Variants in CAMK1 observed in about 807,000 individuals in gnomAD.
The protein encoded by CAMK1 is calcium/calmodulin dependent protein kinase I.
In CAMK1, 39 loss-of-function variants were observed where a neutral mutation model predicts 49.1. That is an observed-to-expected ratio of 0.79 (90% CI 0.62 to 1.04). The LOEUF (loss-of-function observed/expected upper bound fraction) is 1.04. Among genes scored for constraint, CAMK1 ranks in the 50% least tolerant of loss-of-function variants. The probability of loss-of-function intolerance (pLI) is 0.00; values close to 1 mark genes in which losing one functional copy is unlikely to be tolerated. For missense variants in CAMK1, 457 were observed against 472.2 expected (o/e 0.97, Z 0.30); for synonymous variants, 192 against 185.2 (o/e 1.04, Z -0.30).
At chr3:9,764,675 C>T (rs1307821430) in intron 3 of CAMK1, among the ~76,000 whole-genome samples, 4 of 124,596 alleles carry the variant, frequency 3.2e-5, no homozygotes, top group African/African-American at 1.2e-4. Context: ...GTTGCCTAGG[C>T]TGGAGTGTAA....
intron 2 of CAMK1, among the ~76,000 whole-genome samples, chr3:9,767,370 C>T (rs189305370): frequency 3.9e-5 from 6 of 152,354 alleles, no homozygotes; most frequent in Admixed American, 3.3e-4. Context: ...CATCTCCAGC[C>T]TCAGTTCCCA....
chr3:9,766,397 C>A, intron 2 of CAMK1: 1 of 542,852 alleles, frequency 1.8e-6, no homozygotes, highest in Non-Finnish European at 3.4e-6. Flanking sequence ...TAATTTAACA[C>A]CCTTTAGAAC....
intron 5 of CAMK1, among the ~76,000 whole-genome samples, chr3:9,762,602 T>G (rs920228525): frequency 5.3e-5 from 8 of 152,112 alleles, no homozygotes; most frequent in Non-Finnish European, 1.2e-4. Flanking sequence ...TGACCTCAGG[T>G]GATCCACCCG....
At chr3:9,768,588 G>C (rs2078220977) in intron 1 of CAMK1, among the ~76,000 whole-genome samples, 1 of 152,180 alleles carries the variant, frequency 6.6e-6, no homozygotes, top group Admixed American at 6.5e-5. Context: ...CTGGCCTGGG[G>C]CCCCCAGCTA....
intron 1 of CAMK1, 64 bp from the exon 2 acceptor site, chr3:9,767,845 A>T: frequency 6.4e-7 from 1 of 1,551,300 alleles, no homozygotes; most frequent in Non-Finnish European, 8.7e-7. Context: ...AATTTACTGC[A>T]GGCCCCATTC....
intron 8 of CAMK1, 92 bp from the exon 9 acceptor site, chr3:9,759,842 G>T (rs746424746): frequency 6.2e-7 from 1 of 1,606,266 alleles, no homozygotes; most frequent in South Asian, 1.1e-5. Context: ...GTCTGGCCTG[G>T]CATCAAGACA....
chr3:9,766,316 G>T (rs73113550), intron 2 of CAMK1: 2 of 695,006 alleles, frequency 2.9e-6, no homozygotes, highest in Admixed American at 2.0e-5. Context: ...CCATGCCTGA[G>T]GTCTACCCCT....
intron 8 of CAMK1, 183 bp downstream of exon 8, chr3:9,760,473 A>G: frequency 3.5e-6 from 2 of 576,970 alleles, no homozygotes; most frequent in African/African-American, 3.8e-5. Context: ...TCACTCTGGG[A>G]GCCAAGCAGA....
intron 10 of CAMK1, chr3:9,759,057 T>C: frequency 1.3e-6 from 1 of 790,978 alleles, no homozygotes; most frequent in Non-Finnish European, 2.3e-6. Context: ...CTTACCTGCT[T>C]CTCTAAATTG....
chr3:9,759,718 CCTT>C lies in CAMK1; in HGVS notation c.775_777del (p.Lys259del). ...TCACAGGTGAATCTTTTCTCTGGGT[CCTT>C]CTCCATCAAGTGCCGGATGAAATCT... On this transcript the variant is annotated inframe_deletion, in exon 9 of 12. Transcript: ENST00000256460. 1 of 1,614,170 alleles carries C rather than the reference CCTT, an allele frequency of 6.2e-7. No individual in the cohort carries two copies. Among genetic ancestry groups the C allele is most frequent in the Non-Finnish European group, 8.5e-7 (1 of 1,180,034 alleles).
chr3:9,759,319 TG>T, intron 10 of CAMK1, 168 bp downstream of exon 10: 1 of 1,574,682 alleles, frequency 6.4e-7, no homozygotes, highest in Non-Finnish European at 8.7e-7. Context: ...GAGAAGGTGT[TG>T]GGAGTGTTTG....
intron 6 of CAMK1, 35 bp downstream of exon 6, chr3:9,761,596 C>G: frequency 1.2e-6 from 2 of 1,613,670 alleles, no homozygotes; most frequent in Non-Finnish European, 1.7e-6. Flanking sequence ...CTGGTTCCCC[C>G]CACCATCACA....
At position 9,761,441 on chromosome 3, in the gene CAMK1, C is replaced by G. The variant is rs776102772; in HGVS notation, c.632+20G>C. The G allele has an allele frequency of 6.2e-7, 1 of 1,600,226 alleles. No individual in the cohort carries two copies. Among genetic ancestry groups the G allele is most frequent in the South Asian group, 1.1e-5 (1 of 89,678 alleles). ...GGACAACTCTGGAGCCACAGCCTAC[C>G]ATGGCCAAGCCCCACTTACAAGATG... On this transcript the variant is annotated intron_variant, in intron 7 of 11. Coordinates refer to ENST00000256460, the MANE Select transcript of CAMK1 (RefSeq NM_003656.5).
At chr3:9,763,979 T>G (rs1452238169) in intron 3 of CAMK1, among the ~76,000 whole-genome samples, 4 of 151,826 alleles carry the variant, frequency 2.6e-5, no homozygotes, top group African/African-American at 9.7e-5. Context: ...AGAGCAAAAC[T>G]CCATCTCAAA....
chr3:9,762,997 G>A lies in CAMK1; in HGVS notation c.346C>T (p.Arg116Trp), dbSNP rs143182946. The change falls in exon 5 of 12, where the codon CGG becomes TGG. Residue 116 changes from arginine (R) to tryptophan (W), a missense_variant. By Grantham distance (101) the Arg-to-Trp change is moderately radical (BLOSUM62 -3). Transcript: ENST00000256460. ...TGGAAGATGAGGCGGCTGGCGTCCC[G>A]CTCCGTGTAGAAGCCTTTTTCCACA... is the stretch of plus-strand genomic sequence containing the variant. ...RIVEKGFYTE[R>W]DASRLIFQVL... is the part of the protein sequence containing the mutation. 57 of 1,614,096 alleles carry A rather than the reference G, an allele frequency of 3.5e-5. No homozygotes were observed. The highest frequency in any genetic ancestry group is 4.2e-5 in the Non-Finnish European group (49 of 1,180,012).
In CAMK1 at chr3:9,759,570, G is replaced by A; in HGVS notation, c.830C>T (p.Ala277Val). 6.2e-7 allele frequency: 1 copy of A among 1,614,134 alleles called. No individual in the cohort carries two copies. Among genetic ancestry groups the A allele is most frequent in the African/African-American group, 1.3e-5 (1 of 75,038 alleles). The change falls in exon 10 of 12, where the codon GCA becomes GTA. Residue 277 changes from alanine to valine, a missense_variant. By Grantham distance (64) the Ala-to-Val change is moderately conservative. Transcript: ENST00000256460. ...ATTCTTATCTAGAGCTGTATCTCCTGCAATCCTAGGATGGGGTTATGTGGT... is the reference window on the plus strand; with the variant it reads ...ATTCTTATCTAGAGCTGTATCTCCTACAATCCTAGGATGGGGTTATGTGGT... Reference protein sequence around the residue: ...CEQALQHPWIAGDTALDKNIH... With the variant: ...CEQALQHPWIVGDTALDKNIH...
chr3:9,758,797 T>G, intron 10 of CAMK1: 1 of 257,202 alleles, frequency 3.9e-6, no homozygotes, highest in Non-Finnish European at 7.7e-6. Flanking sequence ...GTGTGGCTAA[T>G]TCTTTTATTT....
At chr3:9,760,511 G>A in intron 8 of CAMK1, 145 bp downstream of exon 8, 6 of 722,932 alleles carry the variant, frequency 8.3e-6, no homozygotes. Context: ...AAGGAAGAAG[G>A]GGTAGGGTGT....
chr3:9,763,169 C>T lies in CAMK1; in HGVS notation c.260G>A (p.Ser87Asn). Residue 87 changes from serine to asparagine, a missense_variant, in exon 4 of 12, where the codon AGT (serine) becomes AAT (asparagine). Coordinates refer to ENST00000256460, the MANE Select transcript of CAMK1 (RefSeq NM_003656.5). ...CATGATGAGGTAGAGGTGGCCCCCA[C>T]TCTCATAGATGTCATCCAGGGCTAC... Reference protein sequence around the residue: ...NIVALDDIYESGGHLYLIMQL... With the variant: ...NIVALDDIYENGGHLYLIMQL... The T allele has an allele frequency of 6.2e-7, 1 of 1,614,090 alleles. No homozygotes were observed. The highest frequency in any genetic ancestry group is 8.5e-7 in the Non-Finnish European group (1 of 1,180,018).
Sources: allele counts gnomAD v4.1 joint callset (sites outside exome capture counted in the v4.1 genomes callset), GRCh38; gene constraint gnomAD v4.1.1; transcripts MANE v1.5; gene names NCBI Gene and HGNC (gene_info 2026-07-23, HGNC 2026-07-21).